THSD4: variants seen among roughly 807,000 people sequenced by gnomAD.
THSD4 encodes the protein thrombospondin type-1 domain-containing protein 4.
Under a neutral mutation model 119.0 loss-of-function variants are expected in THSD4, and 69 were observed. That is an observed-to-expected ratio of 0.58 (90% confidence interval 0.48 to 0.71). The LOEUF is 0.71. THSD4 is among the 30% of genes least tolerant of loss of function. The pLI, the probability that THSD4 is intolerant of heterozygous loss-of-function variation, is 0.00. For synonymous variants in THSD4, 524 were observed against 540.4 expected (o/e 0.97, Z 0.42); for missense variants, 1,393 against 1,391.1 (o/e 1.00, Z -0.02).
chr15:71,541,323 A>G (rs866761767), intron 7 of THSD4, among the ~76,000 whole-genome samples: 2 of 152,228 alleles, frequency 1.3e-5, no homozygotes, highest in South Asian at 2.1e-4. Flanking sequence ...AGGATATTAC[A>G]ATTTGGAATA....
intron 6 of THSD4, among the ~76,000 whole-genome samples, chr15:71,392,464 T>G (rs1226183998): frequency 6.6e-6 from 1 of 152,208 alleles, no homozygotes. Context: ...GTAGAAGAAC[T>G]CAGATTCAAA....
intron 14 of THSD4, 116 bp from the exon 15 acceptor site, chr15:71,757,786 C>G (rs2141194580): frequency 7.4e-7 from 1 of 1,344,512 alleles, no homozygotes; most frequent in Non-Finnish European, 1.0e-6. Context: ...CCAGATATTT[C>G]TAGGGGAAAC....
At chr15:71,112,031 T>G, upstream of THSD4, 2 of 1,458,856 alleles carry the variant, frequency 1.4e-6, no homozygotes, top group Admixed American at 4.0e-5. Context: ...TGTCCTGCAT[T>G]GCCTTCCTGT....
chr15:71,375,163 C>T (rs550419303), intron 6 of THSD4, among the ~76,000 whole-genome samples: 3 of 152,166 alleles, frequency 2.0e-5, no homozygotes, highest in East Asian at 1.9e-4. Flanking sequence ...CCGAGCACCA[C>T]GAGGATTGTG....
chr15:71,308,490 T>TTTTC (rs10648914), intron 6 of THSD4, among the ~76,000 whole-genome samples: 148,833 of 152,154 alleles, frequency 0.98, 72,865 homozygotes, highest in East Asian at 1. Context: ...TTTTATTTTG[T>TTTTC]TTTCTTTATT....
intron 6 of THSD4, among the ~76,000 whole-genome samples, chr15:71,372,982 G>A (rs1051070942): frequency 4.6e-5 from 7 of 152,216 alleles, no homozygotes; most frequent in South Asian, 2.1e-4. Flanking sequence ...AATGGCGGGC[G>A]CCCCTCCCGC....
At chr15:71,318,548 G>T (rs1046045190) in intron 6 of THSD4, among the ~76,000 whole-genome samples, 3 of 152,132 alleles carry the variant, frequency 2.0e-5, no homozygotes, top group Admixed American at 6.5e-5. Flanking sequence ...AAGCCTCTTG[G>T]AGGCACTCAG....
intron 7 of THSD4, among the ~76,000 whole-genome samples, chr15:71,588,399 T>C (rs1388742471): frequency 6.6e-6 from 1 of 151,590 alleles, no homozygotes; most frequent in East Asian, 1.9e-4. Flanking sequence ...TATTTATTTT[T>C]TTTAATTTTT....
At chr15:71,612,899 T>C (rs2050255165) in intron 7 of THSD4, among the ~76,000 whole-genome samples, 1 of 152,228 alleles carries the variant, frequency 6.6e-6, no homozygotes, top group Non-Finnish European at 1.5e-5. Context: ...TAGGAAGAAG[T>C]AAACTCATAG....
intron 5 of THSD4, among the ~76,000 whole-genome samples, chr15:71,255,580 G>A (rs1367700050): frequency 6.6e-6 from 1 of 152,166 alleles, no homozygotes; most frequent in Non-Finnish European, 1.5e-5. Context: ...AGATCTCTGG[G>A]TGATTGTTTT....
intron 7 of THSD4, among the ~76,000 whole-genome samples, chr15:71,423,709 C>T (rs1277834840): frequency 6.6e-6 from 1 of 152,206 alleles, no homozygotes; most frequent in Admixed American, 6.5e-5. Flanking sequence ...TCGTGCCCCC[C>T]AAGTCCACTA....
chr15:71,115,865 G>C lies in THSD4; in HGVS notation c.-80+167G>C, dbSNP rs2040356453. Among the ~76,000 whole-genome samples the C allele has an allele frequency of 6.6e-6, 1 of 151,868 alleles. No homozygotes were observed. Among genetic ancestry groups the C allele is most frequent in the East Asian group, 1.9e-4 (1 of 5,160 alleles). On this transcript the variant is annotated intron_variant, in intron 1 of 17. Transcript: ENST00000261862. This position sits in a 1 kb window ranked among gnomAD's most constrained non-coding sequence, Gnocchi z 4.4. ...CCGCGGGCTGCGCCGCTCCGGGCTC[G>C]GGGAGCCAGCGCGCGCCTGGTCCGT...
chr15:71,341,757 T>C, intron 6 of THSD4: 2 of 830,476 alleles, frequency 2.4e-6, no homozygotes, highest in Non-Finnish European at 2.1e-6. Flanking sequence ...GCTCTCTCCC[T>C]TTTCTTCCTT....
chr15:71,334,813 T>A (rs2045471036), intron 6 of THSD4, among the ~76,000 whole-genome samples: 1 of 152,232 alleles, frequency 6.6e-6, no homozygotes, highest in South Asian at 2.1e-4. Context: ...TCAGCAGAAC[T>A]TCTTCACTGG....
At chr15:71,632,361 T>A (rs1221224162) in intron 7 of THSD4, among the ~76,000 whole-genome samples, 4 of 152,196 alleles carry the variant, frequency 2.6e-5, no homozygotes. Flanking sequence ...CCCTCCTTGA[T>A]CTGCCACCCA....
intron 7 of THSD4, among the ~76,000 whole-genome samples, chr15:71,622,660 G>GA (rs2050438216): frequency 6.6e-6 from 1 of 152,144 alleles, no homozygotes; most frequent in South Asian, 2.1e-4. Context: ...TTAATGATGT[G>GA]AAAAGCAGCT....
chr15:71,642,965 A>T (rs28411990), intron 7 of THSD4, among the ~76,000 whole-genome samples: 1 of 152,136 alleles, frequency 6.6e-6, no homozygotes, highest in Non-Finnish European at 1.5e-5. Flanking sequence ...ATAAAAAAAT[A>T]AAAAAGAGTC....
At chr15:71,243,512 T>C (rs1216684198) in intron 5 of THSD4, among the ~76,000 whole-genome samples, 3 of 151,958 alleles carry the variant, frequency 2.0e-5, no homozygotes. Context: ...AGTCTGAGAG[T>C]GAAGTTGTGA....
At chr15:71,174,538 A>G (rs8033150) in intron 3 of THSD4, among the ~76,000 whole-genome samples, 8,283 of 26,686 alleles carry the variant, frequency 0.31, 656 homozygotes, top group Admixed American at 0.33. Flanking sequence ...ATCAAACTGC[A>G]AGGCGGCAAC....
Sources: allele counts gnomAD v4.1 joint callset (sites outside exome capture counted in the v4.1 genomes callset), GRCh38; gene constraint gnomAD v4.1.1; non-coding constraint Gnocchi (gnomAD v3.1); transcripts MANE v1.5; gene names NCBI Gene and HGNC (gene_info 2026-07-23, HGNC 2026-07-21).